PTGER3: variants seen among roughly 807,000 people sequenced by gnomAD.
The protein encoded by PTGER3 is prostaglandin E receptor 3, also known as prostaglandin E2 receptor EP3 subtype.
PTGER3 carries 22 observed loss-of-function variants against 34.7 expected under a neutral mutation model. That is an observed-to-expected ratio of 0.63 (90% CI 0.45 to 0.91). PTGER3 has a LOEUF of 0.91. PTGER3 is among the 40% of genes least tolerant of loss of function. The pLI, the probability that PTGER3 is intolerant of heterozygous loss-of-function variation, is 0.00. For synonymous variants in PTGER3, 241 were observed against 230.1 expected (o/e 1.05, Z -0.43); for missense variants, 468 against 519.4 (o/e 0.90, Z 0.96).
intron 4 of PTGER3, among the ~76,000 whole-genome samples, chr1:70,871,298 A>C (rs1646157569): frequency 6.6e-6 from 1 of 152,100 alleles, no homozygotes; most frequent in Non-Finnish European, 1.5e-5. Flanking sequence ...CAGCAACCAG[A>C]TCTCATGAGA....
downstream of PTGER3, among the ~76,000 whole-genome samples, chr1:70,968,421 T>G (rs1240871699): frequency 6.6e-6 from 1 of 152,132 alleles, no homozygotes; most frequent in Non-Finnish European, 1.5e-5. Context: ...TTCTTAAGGA[T>G]CTTACTTTAT....
At chr1:71,006,946 A>T in intron 2 of PTGER3, 14 of 985,548 alleles carry the variant, frequency 1.4e-5, no homozygotes, top group Non-Finnish European at 1.7e-5. Flanking sequence ...CATGACTTGA[A>T]TGCCAGCAAA....
At chr1:70,948,434 C>T (rs562262055), downstream of PTGER3, among the ~76,000 whole-genome samples, 16 of 152,202 alleles carry the variant, frequency 1.1e-4, no homozygotes, top group South Asian at 2.9e-3. Flanking sequence ...TGAGGTTTCC[C>T]CAGCTCTGTG....
chr1:70,981,540 C>G (rs181693143), intron 2 of PTGER3, among the ~76,000 whole-genome samples: 13 of 151,832 alleles, frequency 8.6e-5, no homozygotes, highest in South Asian at 2.1e-4. Flanking sequence ...TTCCAAGTAG[C>G]TGGGACTACA....
chr1:70,876,870 G>T (rs972406233), intron 4 of PTGER3, among the ~76,000 whole-genome samples: 1 of 152,156 alleles, frequency 6.6e-6, no homozygotes, highest in African/African-American at 2.4e-5. Context: ...TTGTAGTATA[G>T]TTTGAAGTTG....
At chr1:71,035,196 C>G (rs1659717976) in intron 1 of PTGER3, among the ~76,000 whole-genome samples, 1 of 152,192 alleles carries the variant, frequency 6.6e-6, no homozygotes, top group Non-Finnish European at 1.5e-5. Context: ...AATGCACACT[C>G]TCTTATTTTA....
At chr1:71,001,980 G>A (rs1412608327) in intron 2 of PTGER3, among the ~76,000 whole-genome samples, 1 of 152,148 alleles carries the variant, frequency 6.6e-6, no homozygotes, top group East Asian at 1.9e-4. Flanking sequence ...TCTTTACTGG[G>A]TGCAAAGCCT....
intron 1 of PTGER3, among the ~76,000 whole-genome samples, chr1:71,021,156 A>G (rs1044895350): frequency 2.6e-5 from 4 of 152,106 alleles, no homozygotes; most frequent in African/African-American, 9.7e-5. Context: ...GTTTTAGAAA[A>G]CTCACCTCAA....
chr1:70,927,031 C>T (rs1472344884), intron 4 of PTGER3, among the ~76,000 whole-genome samples: 1 of 152,250 alleles, frequency 6.6e-6, no homozygotes, highest in African/African-American at 2.4e-5. Flanking sequence ...GGGATGAAGC[C>T]CACTTGATCG....
intron 4 of PTGER3, among the ~76,000 whole-genome samples, chr1:70,903,375 T>C (rs1169112525): frequency 6.6e-6 from 1 of 152,222 alleles, no homozygotes; most frequent in African/African-American, 2.4e-5. Context: ...TCAAAACTAA[T>C]CATTATAAGT....
At position 71,046,770 on chromosome 1, in the gene PTGER3, T is replaced by G. The variant is rs746510076; in HGVS notation, c.808A>C (p.Ser270Arg). 2.5e-6 allele frequency: 4 copies of G among 1,613,936 alleles called. No individual in the cohort carries two copies. In the South Asian group the frequency reaches 4.4e-5, roughly 18 times the overall value. Reference sequence around the variant, plus strand: ...GTCGTGATGCGGCCCCACTGGGCACTGGACTGAGATGCCGTGGCCTTGGCC... The same window carrying G: ...GTCGTGATGCGGCCCCACTGGGCACGGGACTGAGATGCCGTGGCCTTGGCC... Reference protein sequence around the residue: ...CRAKATASQSSAQWGRITTET... With the variant: ...CRAKATASQSRAQWGRITTET... The change falls in exon 1 of 4, where the codon AGT becomes CGT. Residue 270 changes from serine to arginine, a missense_variant. Physicochemically the swap from Ser to Arg is moderately radical, Grantham distance 110 (BLOSUM62 -1). Around this residue, in one of 5 missense-constraint regions of PTGER3, gnomAD observed 204 missense variants for 230.8 expected, o/e 0.88. Coordinates refer to ENST00000306666, the MANE Select transcript of PTGER3 (RefSeq NM_198719.2).
At chr1:70,943,708 G>A (rs1245198531) in intron 4 of PTGER3, among the ~76,000 whole-genome samples, 2 of 152,020 alleles carry the variant, frequency 1.3e-5, no homozygotes, top group African/African-American at 2.4e-5. Flanking sequence ...TTTGAATTGA[G>A]AGTGAGGGAA....
At position 70,905,583 on chromosome 1, in the gene PTGER3, C is replaced by A. The variant is rs192522685; in HGVS notation, c.*23+48180G>T. On this transcript the variant is annotated intron_variant, in intron 4 of 4. Coordinates refer to the PTGER3 transcript ENST00000370931. The stretch of plus-strand genomic sequence containing the variant: ...GGAGCTTTAAGATTTGACTGCCCTG[C>A]TGGATTTCGGACTTGTATGGGGCCT... Among the ~76,000 whole-genome samples the A allele has an allele frequency of 1.6e-3, 242 of 152,264 alleles. 5 individuals are homozygous for A. The highest frequency in any genetic ancestry group is 0.012 in the Admixed American group (182 of 15,296).
intron 1 of PTGER3, among the ~76,000 whole-genome samples, chr1:71,014,247 C>G (rs1016577693): frequency 6.6e-6 from 1 of 152,058 alleles, no homozygotes; most frequent in Non-Finnish European, 1.5e-5. Context: ...AATTCAACAT[C>G]CCTGAGCATC....
In PTGER3 at chr1:70,988,973, G is replaced by T. The variant is rs184313328; in HGVS notation, c.1078-14585C>A. The stretch of plus-strand genomic sequence containing the variant: ...TTTGGGAGTTAACATGAGGAGGCTG[G>T]TTTTATTGTGTATCATGCCCAGAAG... On this transcript the variant is annotated intron_variant, in intron 2 of 3. Coordinates refer to ENST00000306666, the MANE Select transcript of PTGER3 (RefSeq NM_198719.2). Among the ~76,000 whole-genome samples the T allele has an allele frequency of 6.6e-3, 998 of 152,160 alleles. 9 individuals carry two copies. Among genetic ancestry groups the T allele is most frequent in the Non-Finnish European group, 9.6e-3 (653 of 67,998 alleles).
chr1:70,899,562 G>A (rs749238011), intron 4 of PTGER3, among the ~76,000 whole-genome samples: 7 of 152,074 alleles, frequency 4.6e-5, no homozygotes, highest in African/African-American at 1.2e-4. Flanking sequence ...AGAGGAAATC[G>A]GCATGAGCCA....
At chr1:71,004,833 T>C (rs1656799638) in intron 2 of PTGER3, among the ~76,000 whole-genome samples, 1 of 152,240 alleles carries the variant, frequency 6.6e-6, no homozygotes, top group Non-Finnish European at 1.5e-5. Flanking sequence ...CCAGGCATTG[T>C]TGTAGTGGCA....
chr1:71,004,381 T>C (rs1656755870), intron 2 of PTGER3, among the ~76,000 whole-genome samples: 1 of 152,156 alleles, frequency 6.6e-6, no homozygotes. Flanking sequence ...TGTATGATAA[T>C]AACTCTAGAC....
Position 70,984,831 on chromosome 1 carries a change from C to T in PTGER3, c.1078-10443G>A, listed in dbSNP as rs190359498. ...AAAAATAAGAAAAAGATGTATTTTC[C>T]AAAAACAGTTAAGAATAAAGTTACA... is the stretch of plus-strand genomic sequence containing the variant. On this transcript the variant is annotated intron_variant, in intron 2 of 3. Transcript: ENST00000306666. 3.6e-4 allele frequency among the ~76,000 whole-genome samples: 54 copies of T among 152,010 alleles called. No homozygotes were observed. In the South Asian group the frequency reaches 4.6e-3, roughly 13 times the overall value.
Sources: gnomAD v4.1 joint callset for allele counts (sites outside exome capture counted in the v4.1 genomes callset) on GRCh38, gnomAD v4.1.1 for gene constraint, gnomAD v4.1.1 regional missense constraint, MANE v1.5 for transcripts, NCBI Gene and HGNC (gene_info 2026-07-23, HGNC 2026-07-21) for gene names.